ABLIM2: variants seen among roughly 807,000 people sequenced by gnomAD.
ABLIM2 encodes actin-binding LIM protein 2.
In ABLIM2, 53 loss-of-function variants were observed where a neutral mutation model predicts 97.7. The observed-to-expected ratio is 0.54, with a 90% CI of 0.44 to 0.68. The LOEUF is 0.68. ABLIM2 is among the 30% of genes least tolerant of loss of function. ABLIM2 has a pLI of 0.00. For missense variants in ABLIM2, 835 were observed against 867.2 expected, an observed-to-expected ratio of 0.96 and a Z score of 0.47; for synonymous variants, 361 against 345.8, an observed-to-expected ratio of 1.04 and a Z score of -0.49.
At chr4:8,092,750 G>A (rs1829518195) in intron 3 of ABLIM2, among the ~76,000 whole-genome samples, 1 of 152,122 alleles carries the variant, frequency 6.6e-6, no homozygotes, top group Non-Finnish European at 1.5e-5. Context: ...TTTGACCCCA[G>A]GCACATCCTC....
At chr4:7,988,013 T>C (rs1745789150) in intron 17 of ABLIM2, among the ~76,000 whole-genome samples, 1 of 152,192 alleles carries the variant, frequency 6.6e-6, no homozygotes, top group Admixed American at 6.5e-5. Context: ...CTGTCCCATT[T>C]GTTTACTACC....
intron 14 of ABLIM2, among the ~76,000 whole-genome samples, chr4:8,013,076 G>C (rs1181181495): frequency 6.6e-6 from 1 of 152,052 alleles, no homozygotes; most frequent in Non-Finnish European, 1.5e-5. Context: ...TGGATGAGAG[G>C]GTTTCTATAC....
intron 1 of ABLIM2, among the ~76,000 whole-genome samples, chr4:8,108,315 C>T (rs563997879): frequency 1.3e-5 from 2 of 152,268 alleles, no homozygotes; most frequent in East Asian, 3.8e-4. Flanking sequence ...TCGGCTAGGG[C>T]TGCGCCCCAT....
Position 8,155,122 on chromosome 4 carries a change from C to T in ABLIM2, c.10+3558G>A, listed in dbSNP as rs1445432897. Among the ~76,000 whole-genome samples the T allele has an allele frequency of 5.9e-5, 9 of 152,218 alleles. No individual in the cohort carries two copies. The highest frequency in any genetic ancestry group is 2.2e-4 in the African/African-American group (9 of 41,454). On this transcript the variant is annotated intron_variant, in intron 1 of 20. Coordinates refer to ENST00000447017, the MANE Select transcript of ABLIM2 (RefSeq NM_001130083.2). This position sits in a 1 kb window ranked among gnomAD's most constrained non-coding sequence, Gnocchi z 4.2. ...AGATGTGGGTGGGGACACAGCCAGA[C>T]CGTATCAGCTCATAGTAGGCATTTT...
chr4:8,013,580 A>G (rs1010819408), intron 14 of ABLIM2, among the ~76,000 whole-genome samples: 2 of 152,184 alleles, frequency 1.3e-5, no homozygotes, highest in Non-Finnish European at 2.9e-5. Flanking sequence ...TATGAACCTC[A>G]TTTACAGATG....
At chr4:7,983,378 G>A (rs1406410487) in intron 19 of ABLIM2, 34 bp from the exon 20 acceptor site, 2 of 1,601,108 alleles carry the variant, frequency 1.2e-6, no homozygotes, top group East Asian at 2.2e-5. Context: ...GTCACCTCAC[G>A]AAGCAAGTGT....
At chr4:7,969,769 A>ACACACACACACAC (rs1726241121) in intron 20 of ABLIM2, among the ~76,000 whole-genome samples, 2 of 140,244 alleles carry the variant, frequency 1.4e-5, no homozygotes, top group African/African-American at 2.7e-5. Flanking sequence ...ACACACACAC[A>ACACACACACACAC]GCCTATCCAG....
intron 3 of ABLIM2, among the ~76,000 whole-genome samples, chr4:8,092,910 G>A (rs1278336459): frequency 4.6e-5 from 7 of 152,046 alleles, no homozygotes; most frequent in South Asian, 4.1e-4. Context: ...GTGCAGTGGC[G>A]TGATCTTGGC....
At chr4:8,030,017 G>C (rs960499476) in intron 10 of ABLIM2, among the ~76,000 whole-genome samples, 3 of 152,114 alleles carry the variant, frequency 2.0e-5, no homozygotes, top group Admixed American at 6.5e-5. Flanking sequence ...TGTGGTACAG[G>C]GACCCACTGG....
chr4:8,027,192 C>T (rs956239126), intron 12 of ABLIM2, among the ~76,000 whole-genome samples: 1 of 152,308 alleles, frequency 6.6e-6, no homozygotes, highest in Admixed American at 6.5e-5. Context: ...TTTCAGTCCA[C>T]AGCATACAGG....
intron 14 of ABLIM2, among the ~76,000 whole-genome samples, chr4:8,012,704 C>G (rs1357996911): frequency 6.6e-6 from 1 of 151,894 alleles, no homozygotes; most frequent in African/African-American, 2.4e-5. Flanking sequence ...GATATTTATT[C>G]ATCCAGCTTC....
rs764494318 is a variant in ABLIM2 at position 8,008,195 on chromosome 4, C to T, written c.1482G>A (p.Lys494=). ...CCCCCTTGAGCATCAGCCAGCTGCT[C>T]TTCTGCTGAAGGTAAAAAACAAAGT... ...GSLDQDNRKQ[K]SSWLMLKGDA... Residue 494 remains lysine (K), a synonymous_variant, in exon 16 of 21, where the codon AAG becomes AAA. Coordinates refer to ENST00000447017, the MANE Select transcript of ABLIM2 (RefSeq NM_001130083.2). 9.9e-6 allele frequency: 16 copies of T among 1,612,796 alleles called. No individual in the cohort carries two copies. The African/African-American group carries it at 2.1e-4, about 22-fold the overall frequency.
intron 4 of ABLIM2, 66 bp from the exon 5 acceptor site, chr4:8,080,868 C>T (rs1819381023): frequency 2.6e-6 from 4 of 1,526,936 alleles, no homozygotes; most frequent in Non-Finnish European, 2.7e-6. Context: ...AGGCCTCCTG[C>T]TCTCCACACT....
At chr4:8,084,906 G>A (rs189407858) in intron 4 of ABLIM2, among the ~76,000 whole-genome samples, 355 of 152,332 alleles carry the variant, frequency 2.3e-3, no homozygotes, top group Non-Finnish European at 3.2e-3. Flanking sequence ...GGTTCGGCAC[G>A]GCGCTCGCAC....
chr4:8,057,785 C>T (rs1350372293), intron 7 of ABLIM2, among the ~76,000 whole-genome samples: 5 of 152,182 alleles, frequency 3.3e-5, no homozygotes, highest in Non-Finnish European at 5.9e-5. Context: ...CCGTGGGGGT[C>T]GCTGGGGCCC....
rs556485945 is a variant in ABLIM2, at chr4:8,054,469, C to T, written c.764-223G>A. 1.9e-3 allele frequency among the ~76,000 whole-genome samples: 282 copies of T among 152,338 alleles called. 3 individuals are homozygous for T. The highest frequency in any genetic ancestry group is 6.5e-3 in the African/African-American group (269 of 41,574). ...AGGGGCTCACAGCCCAGTTGTGGGA[C>T]GGAGGCAGCAAACAAACAGGGAAAT... On this transcript the variant is annotated intron_variant, in intron 7 of 20. Coordinates refer to ENST00000447017, the MANE Select transcript of ABLIM2 (RefSeq NM_001130083.2). This position sits in a 1 kb window ranked among gnomAD's most constrained non-coding sequence, Gnocchi z 4.9.
At chr4:8,056,356 A>G (rs907721740) in intron 7 of ABLIM2, among the ~76,000 whole-genome samples, 7 of 142,230 alleles carry the variant, frequency 4.9e-5, no homozygotes, top group African/African-American at 1.8e-4. Flanking sequence ...CCAGCATGGC[A>G]GTGGTGCAAA....
chr4:8,156,232 A>C (rs1303584041), intron 1 of ABLIM2, among the ~76,000 whole-genome samples: 2 of 38,432 alleles, frequency 5.2e-5, no homozygotes, highest in Non-Finnish European at 5.2e-5. Flanking sequence ...CCTCAACCCC[A>C]CCCCCTACTG....
intron 1 of ABLIM2, among the ~76,000 whole-genome samples, chr4:8,145,312 T>C (rs899285045): frequency 2.0e-5 from 3 of 152,070 alleles, no homozygotes; most frequent in Middle Eastern, 3.4e-3. Context: ...GCCTCCTGAG[T>C]AGCTGGGATT....
Sources: allele counts gnomAD v4.1 joint callset (sites outside exome capture counted in the v4.1 genomes callset), GRCh38; gene constraint gnomAD v4.1.1; non-coding constraint Gnocchi (gnomAD v3.1); transcripts MANE v1.5; gene names NCBI Gene and HGNC (gene_info 2026-07-23, HGNC 2026-07-21).